PRKCE: variants seen among roughly 807,000 people sequenced by gnomAD.
PRKCE encodes protein kinase C epsilon type.
In PRKCE, 16 loss-of-function variants were observed where a neutral mutation model predicts 85.4. The observed-to-expected ratio is 0.19, with a 90% CI of 0.13 to 0.28. The LOEUF (loss-of-function observed/expected upper bound fraction) is 0.28. Ranked by LOEUF, PRKCE falls within the 10% of genes least tolerant of loss-of-function variation. The pLI is 1.00. For missense variants in PRKCE, 573 were observed against 975.2 expected, an observed-to-expected ratio of 0.59 and a Z score of 5.49; for synonymous variants, 388 against 371.5, an observed-to-expected ratio of 1.04 and a Z score of -0.51.
chr2:45,979,871 T>A (rs1429977808), intron 4 of PRKCE, among the ~76,000 whole-genome samples: 1 of 152,190 alleles, frequency 6.6e-6, no homozygotes, highest in East Asian at 1.9e-4. Context: ...TCAGAACCTC[T>A]GCACCGCCTG....
At chr2:45,787,575 G>A (rs1686706518) in intron 1 of PRKCE, among the ~76,000 whole-genome samples, 1 of 152,042 alleles carries the variant, frequency 6.6e-6, no homozygotes, top group Non-Finnish European at 1.5e-5. Context: ...GAGAGGGAGG[G>A]GTGACAAGAC....
At chr2:45,954,893 C>T (rs1005552279) in intron 2 of PRKCE, among the ~76,000 whole-genome samples, 3 of 152,058 alleles carry the variant, frequency 2.0e-5, no homozygotes, top group African/African-American at 7.2e-5. Flanking sequence ...TGTTTGGTAC[C>T]CCATTGCTTC....
intron 1 of PRKCE, among the ~76,000 whole-genome samples, chr2:45,734,255 C>G (rs1681848837): frequency 6.6e-6 from 1 of 151,836 alleles, no homozygotes; most frequent in Admixed American, 6.6e-5. Flanking sequence ...GTCCTAGCTA[C>G]TTGGGAGGCT....
rs1678239840 is a variant in PRKCE, at chr2:45,697,360, G to C, written c.348+44912G>C. On this transcript the variant is annotated intron_variant, in intron 1 of 14. Transcript: ENST00000306156. The surrounding 1 kb of genome is among the most constrained non-coding windows in gnomAD (Gnocchi z 4.2). ...TCTGGCTGACGCTGTTGCCCTCTCT[G>C]CCTCTTAATGGCGCTCTGACCTTCT... Among the ~76,000 whole-genome samples, 1 of 151,010 alleles carries C rather than the reference G, an allele frequency of 6.6e-6. No individual in the cohort carries two copies. Among genetic ancestry groups the C allele is most frequent in the Admixed American group, 6.6e-5 (1 of 15,046 alleles).
In PRKCE at chr2:46,034,813, A is replaced by T. The variant is rs529803096; in HGVS notation, c.1437+24296A>T. Among the ~76,000 whole-genome samples the T allele has an allele frequency of 2.0e-5, 3 of 152,370 alleles. No individual in the cohort carries two copies. In the South Asian group the frequency reaches 6.2e-4, roughly 32 times the overall value. On this transcript the variant is annotated intron_variant, in intron 10 of 14. Coordinates refer to ENST00000306156, the MANE Select transcript of PRKCE (RefSeq NM_005400.3). ...GAGATATTATTTCTGGCATAGTGCC[A>T]TGCACGTATCAGAGGCCAAACAGTA...
chr2:45,672,913 C>G (rs1005982640), intron 1 of PRKCE, among the ~76,000 whole-genome samples: 5 of 152,084 alleles, frequency 3.3e-5, no homozygotes, highest in African/African-American at 1.2e-4. Context: ...GTAGTCTCAG[C>G]TGCTCCAGGA....
chr2:45,911,921 T>G (rs1489493193), intron 2 of PRKCE, among the ~76,000 whole-genome samples: 1 of 152,138 alleles, frequency 6.6e-6, no homozygotes, highest in African/African-American at 2.4e-5. Context: ...CAGGTGCTGG[T>G]ATGTCAGCCG....
intron 1 of PRKCE, among the ~76,000 whole-genome samples, chr2:45,703,461 C>A (rs972929678): frequency 1.3e-5 from 2 of 151,948 alleles, no homozygotes; most frequent in African/African-American, 4.8e-5. Flanking sequence ...TTGTTTGAAC[C>A]CCTAAGTTTG....
chr2:45,778,009 A>T (rs189051009), intron 1 of PRKCE, among the ~76,000 whole-genome samples: 1 of 152,020 alleles, frequency 6.6e-6, no homozygotes, highest in South Asian at 2.1e-4. Context: ...AGGGCTGTGC[A>T]GAGAAAACCC....
chr2:45,666,345 C>T (rs1340564309), intron 1 of PRKCE, among the ~76,000 whole-genome samples: 1 of 151,886 alleles, frequency 6.6e-6, no homozygotes, highest in Non-Finnish European at 1.5e-5. Flanking sequence ...GCTCAGAACC[C>T]ACCATTGTCT....
intron 11 of PRKCE, among the ~76,000 whole-genome samples, chr2:46,113,781 CAG>C (rs919497136): frequency 1.2e-4 from 18 of 152,204 alleles, no homozygotes; most frequent in African/African-American, 4.3e-4. Context: ...ATGAATGTAA[CAG>C]GGGTGGCATG....
chr2:45,773,290 G>T (rs368840884), intron 1 of PRKCE, among the ~76,000 whole-genome samples: 52 of 152,210 alleles, frequency 3.4e-4, no homozygotes, highest in African/African-American at 1.2e-3. Context: ...AGGAGACCTG[G>T]ATTCAGGCTT....
intron 11 of PRKCE, among the ~76,000 whole-genome samples, chr2:46,131,299 G>A (rs1308417828): frequency 6.6e-6 from 1 of 152,194 alleles, no homozygotes; most frequent in African/African-American, 2.4e-5. Context: ...GATTTGAGAA[G>A]TGGTCTTGAA....
intron 2 of PRKCE, among the ~76,000 whole-genome samples, chr2:45,937,677 T>C (rs1699567244): frequency 6.6e-6 from 1 of 151,636 alleles, no homozygotes; most frequent in Non-Finnish European, 1.5e-5. Flanking sequence ...ATCATACCAC[T>C]GCACTCCAGC....
At chr2:45,788,779 G>T (rs982105200) in intron 1 of PRKCE, among the ~76,000 whole-genome samples, 3 of 152,216 alleles carry the variant, frequency 2.0e-5, no homozygotes, top group African/African-American at 7.2e-5. Context: ...AGTAGGCAAA[G>T]TAGTGCTATT....
intron 1 of PRKCE, among the ~76,000 whole-genome samples, chr2:45,733,264 C>T (rs559019936): frequency 1.3e-5 from 2 of 152,288 alleles, no homozygotes; most frequent in East Asian, 3.9e-4. Flanking sequence ...TCCTGGTACA[C>T]AGTAACTGCT....
chr2:45,868,752 C>T (rs1693832425), intron 2 of PRKCE, among the ~76,000 whole-genome samples: 1 of 149,398 alleles, frequency 6.7e-6, no homozygotes, highest in South Asian at 2.1e-4. Context: ...GCCTGGCCAA[C>T]ATGGGGAAAC....
intron 1 of PRKCE, among the ~76,000 whole-genome samples, chr2:45,818,961 A>C (rs1689303281): frequency 6.6e-6 from 1 of 152,152 alleles, no homozygotes; most frequent in Non-Finnish European, 1.5e-5. Flanking sequence ...GTGATGTTTG[A>C]AGTGTTAGAG....
At chr2:46,160,009 G>A (rs936118572) in intron 14 of PRKCE, 2 of 423,430 alleles carry the variant, frequency 4.7e-6, no homozygotes, top group Non-Finnish European at 8.3e-6. Flanking sequence ...TCTTTACAGA[G>A]ATTCAATTTA....
Sources: gnomAD v4.1 joint callset for allele counts (sites outside exome capture counted in the v4.1 genomes callset) on GRCh38, gnomAD v4.1.1 for gene constraint, Gnocchi (gnomAD v3.1) non-coding constraint, MANE v1.5 for transcripts, NCBI Gene and HGNC (gene_info 2026-07-23, HGNC 2026-07-21) for gene names.